AGBL4: variants seen among roughly 807,000 people sequenced by gnomAD.
The protein encoded by AGBL4 is cytosolic carboxypeptidase 6.
In AGBL4, 58 loss-of-function variants were observed where a neutral mutation model predicts 66.4. The ratio of observed to expected loss-of-function variants is 0.87; its 90% CI spans 0.71 to 1.09. AGBL4 has a LOEUF of 1.09. AGBL4 is among the 50% of genes least tolerant of loss of function. AGBL4 has a pLI of 0.00. For synonymous variants in AGBL4, 234 were observed against 222.9 expected, an observed-to-expected ratio of 1.05 and a Z score of -0.44; for missense variants, 579 against 631.0, an observed-to-expected ratio of 0.92 and a Z score of 0.88.
intron 1 of AGBL4, among the ~76,000 whole-genome samples, chr1:49,950,099 T>C (rs556270483): frequency 7.7e-5 from 11 of 142,522 alleles, no homozygotes; most frequent in African/African-American, 2.5e-4. Flanking sequence ...TATATACACA[T>C]ATATATACAT....
At chr1:49,040,290 G>T (rs757409870) in intron 5 of AGBL4, among the ~76,000 whole-genome samples, 2 of 151,938 alleles carry the variant, frequency 1.3e-5, no homozygotes, top group Non-Finnish European at 2.9e-5. Context: ...CCCACTAAAA[G>T]GCTATAATAA....
At chr1:48,934,095 C>T (rs1486507402) in intron 5 of AGBL4, among the ~76,000 whole-genome samples, 1 of 152,098 alleles carries the variant, frequency 6.6e-6, no homozygotes, top group Non-Finnish European at 1.5e-5. Flanking sequence ...ATTCTTTTCC[C>T]TAATGTTTAT....
At chr1:49,417,669 A>C (rs183817025) in intron 3 of AGBL4, among the ~76,000 whole-genome samples, 235 of 152,266 alleles carry the variant, frequency 1.5e-3, no homozygotes, top group Non-Finnish European at 2.3e-3. Flanking sequence ...TTGAAACCTC[A>C]TAATGTGTCC....
chr1:48,908,747 A>G (rs1652834822), intron 5 of AGBL4, among the ~76,000 whole-genome samples: 1 of 152,146 alleles, frequency 6.6e-6, no homozygotes, highest in African/African-American at 2.4e-5. Flanking sequence ...ACCCAGGTTC[A>G]TTACTCCAGA....
intron 5 of AGBL4, among the ~76,000 whole-genome samples, chr1:48,877,337 C>A (rs148760275): frequency 4.6e-5 from 7 of 152,126 alleles, no homozygotes; most frequent in African/African-American, 1.4e-4. Context: ...ACCAAGAGGG[C>A]CTCGTTTTAG....
At position 48,572,688 on chromosome 1, in the gene AGBL4, A is replaced by AG. The variant is rs529493620; in HGVS notation, c.1267+14315dup. Among the ~76,000 whole-genome samples, 523 of 152,136 alleles carry AG rather than the reference A, an allele frequency of 3.4e-3. 3 individuals are homozygous for AG. Among genetic ancestry groups the AG allele is most frequent in the Admixed American group, 8.2e-3 (125 of 15,270 alleles). ...GCAGAGAGAGACCTGGGAGAACTGAAGGGGGGGTGCGTCTCCTGTCTCCAG... is the reference window on the plus strand; with the variant it reads ...GCAGAGAGAGACCTGGGAGAACTGAAGGGGGGGGTGCGTCTCCTGTCTCCAG... On this transcript the variant is annotated intron_variant, in intron 11 of 13. Transcript: ENST00000371839.
intron 4 of AGBL4, among the ~76,000 whole-genome samples, chr1:49,222,586 A>G (rs1649584188): frequency 6.6e-6 from 1 of 152,234 alleles, no homozygotes; most frequent in African/African-American, 2.4e-5. Context: ...AAGAGGAAAT[A>G]CATGAACATT....
chr1:49,604,796 G>A (rs1028037987), intron 3 of AGBL4, among the ~76,000 whole-genome samples: 5 of 151,820 alleles, frequency 3.3e-5, no homozygotes, highest in Admixed American at 6.6e-5. Flanking sequence ...TTTACCCTCC[G>A]AAACTAAAAA....
At chr1:48,936,719 T>C (rs959227099) in intron 5 of AGBL4, among the ~76,000 whole-genome samples, 2 of 152,204 alleles carry the variant, frequency 1.3e-5, no homozygotes, top group African/African-American at 4.8e-5. Flanking sequence ...AAAGGGCATT[T>C]TACGGTTTGT....
At chr1:48,864,016 A>G (rs1372554983) in intron 6 of AGBL4, among the ~76,000 whole-genome samples, 2 of 152,156 alleles carry the variant, frequency 1.3e-5, no homozygotes, top group African/African-American at 2.4e-5. Context: ...AATACAAGCC[A>G]TAGTCTGGGA....
chr1:49,109,186 T>C (rs1645357664), intron 4 of AGBL4, among the ~76,000 whole-genome samples: 1 of 152,140 alleles, frequency 6.6e-6, no homozygotes, highest in African/African-American at 2.4e-5. Context: ...CTCGGTAGCA[T>C]CACCTTTTAC....
chr1:48,757,700 T>C (rs527964275), intron 6 of AGBL4, among the ~76,000 whole-genome samples: 1 of 152,198 alleles, frequency 6.6e-6, no homozygotes, highest in Non-Finnish European at 1.5e-5. Flanking sequence ...CCTACAAATA[T>C]AAGTAAATTA....
chr1:48,884,602 G>C (rs1391991268), intron 5 of AGBL4, among the ~76,000 whole-genome samples: 2 of 152,148 alleles, frequency 1.3e-5, no homozygotes, highest in Non-Finnish European at 2.9e-5. Context: ...TATTGCATTT[G>C]TATCATGTTC....
At position 50,011,796 on chromosome 1, in the gene AGBL4, A is replaced by G. The variant is rs192369029; in HGVS notation, c.34+11967T>C. 9.6e-4 allele frequency among the ~76,000 whole-genome samples: 146 copies of G among 152,352 alleles called. 1 individual carries two copies. Among genetic ancestry groups the G allele is most frequent in the Non-Finnish European group, 1.8e-3 (122 of 68,036 alleles). On this transcript the variant is annotated intron_variant, in intron 1 of 13. Coordinates refer to ENST00000371839, the MANE Select transcript of AGBL4 (RefSeq NM_032785.4). ...AACCAGGCACAGAAAGACATATGTC[A>G]TCACATGTTCTCACTTATATGTGGG...
At chr1:48,682,014 A>C (rs61774567) in intron 6 of AGBL4, among the ~76,000 whole-genome samples, 154 of 152,364 alleles carry the variant, frequency 1.0e-3, no homozygotes, top group Non-Finnish European at 1.8e-3. Context: ...AAATGAGGTC[A>C]TGAGGCTGGG....
chr1:48,907,551 A>G lies in AGBL4; in HGVS notation c.595-40321T>C, dbSNP rs539728578. On this transcript the variant is annotated intron_variant, in intron 5 of 13. Transcript: ENST00000371839. ...GTGGTAAGACACCCTGAAGCCTTAT[A>G]TCAAGCAGCCTGAGGGAAGCTCTAG... Among the ~76,000 whole-genome samples, 6 of 152,286 alleles carry G rather than the reference A, an allele frequency of 3.9e-5. No individual in the cohort carries two copies. In the South Asian group the frequency reaches 1.2e-3, roughly 32 times the overall value.
intron 7 of AGBL4, among the ~76,000 whole-genome samples, chr1:48,660,489 T>A (rs1314745745): frequency 1.3e-5 from 2 of 152,200 alleles, no homozygotes; most frequent in East Asian, 1.9e-4. Context: ...TGAGGGAAGA[T>A]GGACACATTT....
intron 5 of AGBL4, among the ~76,000 whole-genome samples, chr1:48,988,867 G>A (rs1005062213): frequency 5.9e-5 from 9 of 152,180 alleles, no homozygotes; most frequent in Non-Finnish European, 8.8e-5. Context: ...AAAGAAATGA[G>A]TGTCTCAGGG....
intron 5 of AGBL4, among the ~76,000 whole-genome samples, chr1:48,940,162 G>C (rs887129133): frequency 6.6e-6 from 1 of 152,224 alleles, no homozygotes; most frequent in Non-Finnish European, 1.5e-5. Flanking sequence ...GGCAGATCAC[G>C]AGGTCAGGAG....
Sources: allele counts gnomAD v4.1 joint callset (sites outside exome capture counted in the v4.1 genomes callset), GRCh38; gene constraint gnomAD v4.1.1; transcripts MANE v1.5; gene names NCBI Gene and HGNC (gene_info 2026-07-23, HGNC 2026-07-21).